SUPT3H: variants seen among roughly 807,000 people sequenced by gnomAD.
The protein encoded by SUPT3H is transcription initiation protein SPT3 homolog.
In SUPT3H, 44 loss-of-function variants were observed where a neutral mutation model predicts 44.3. The observed-to-expected ratio is 0.99, with a 90% CI of 0.78 to 1.28. The LOEUF (loss-of-function observed/expected upper bound fraction) is 1.28, where lower values mean the gene tolerates loss of function less well. Ranked by LOEUF, SUPT3H falls within the 50% of genes most tolerant of loss-of-function variation. SUPT3H has a pLI of 0.00. For missense variants in SUPT3H, 380 were observed against 387.1 expected, an observed-to-expected ratio of 0.98 and a Z score of 0.15; for synonymous variants, 124 against 125.6, an observed-to-expected ratio of 0.99 and a Z score of 0.09.
intron 2 of SUPT3H, chr6:45,323,077 G>A (rs1200292371): frequency 3.0e-6 from 2 of 657,818 alleles, no homozygotes; most frequent in African/African-American, 1.9e-5. Context: ...TACTGTGCCG[G>A]TTGTGAAACA....
intron 2 of SUPT3H, among the ~76,000 whole-genome samples, chr6:45,310,043 G>C (rs1286218187): frequency 6.6e-6 from 1 of 152,180 alleles, no homozygotes; most frequent in Non-Finnish European, 1.5e-5. Context: ...CCTCTGGTAA[G>C]TTTTCAAGCG....
chr6:45,001,127 G>A (rs1031029822), intron 6 of SUPT3H, among the ~76,000 whole-genome samples: 28 of 151,964 alleles, frequency 1.8e-4, no homozygotes, highest in African/African-American at 6.8e-4. Context: ...TATTTGATTA[G>A]ATGAAAAAAT....
intron 10 of SUPT3H, among the ~76,000 whole-genome samples, chr6:44,930,102 G>C (rs561046887): frequency 2.2e-4 from 33 of 152,188 alleles, no homozygotes; most frequent in African/African-American, 7.2e-4. Context: ...AATTAGGCTG[G>C]GCGAGGTGGC....
At chr6:45,068,944 A>G (rs1346537080) in intron 3 of SUPT3H, among the ~76,000 whole-genome samples, 1 of 151,942 alleles carries the variant, frequency 6.6e-6, no homozygotes, top group Non-Finnish European at 1.5e-5. Flanking sequence ...TTCTATTAAA[A>G]AACAAAATGC....
At chr6:45,235,151 A>G (rs1384554444) in intron 2 of SUPT3H, among the ~76,000 whole-genome samples, 2 of 152,314 alleles carry the variant, frequency 1.3e-5, no homozygotes, top group Middle Eastern at 3.4e-3. Context: ...AAACATTTGA[A>G]ATTACAAATT....
intron 2 of SUPT3H, among the ~76,000 whole-genome samples, chr6:45,116,645 A>G (rs1800884321): frequency 6.6e-6 from 1 of 152,268 alleles, no homozygotes; most frequent in South Asian, 2.1e-4. Flanking sequence ...AGGTCTTCAA[A>G]AGTATGAAGA....
At chr6:45,246,843 A>G (rs1209907718) in intron 2 of SUPT3H, among the ~76,000 whole-genome samples, 1 of 152,226 alleles carries the variant, frequency 6.6e-6, no homozygotes, top group Non-Finnish European at 1.5e-5. Flanking sequence ...CAGTGCTAAG[A>G]GGAAAACTTA....
At chr6:45,288,605 ATATATATG>A (rs751536965) in intron 2 of SUPT3H, among the ~76,000 whole-genome samples, 31,418 of 84,094 alleles carry the variant, frequency 0.37, 4,805 homozygotes, top group Non-Finnish European at 0.44. Context: ...ATGTGTATAT[ATATATATG>A]TATATATATA....
At chr6:44,932,530 C>A in intron 10 of SUPT3H, 123 bp downstream of exon 10, 1 of 627,900 alleles carries the variant, frequency 1.6e-6, no homozygotes, top group Non-Finnish European at 2.6e-6. Flanking sequence ...CACTTTTATA[C>A]AACAAAATTA....
At chr6:45,275,547 A>AAGAT (rs1447459080) in intron 2 of SUPT3H, among the ~76,000 whole-genome samples, 1 of 152,222 alleles carries the variant, frequency 6.6e-6, no homozygotes, top group East Asian at 1.9e-4. Context: ...AGAGACTAAG[A>AAGAT]AGATAGAATA....
At chr6:45,014,042 G>A (rs761001489) in intron 5 of SUPT3H, among the ~76,000 whole-genome samples, 3 of 152,034 alleles carry the variant, frequency 2.0e-5, no homozygotes, top group African/African-American at 4.8e-5. Context: ...CCAGTTAAAT[G>A]TGTTTCACTG....
intron 3 of SUPT3H, chr6:45,098,522 C>T (rs770345471): frequency 4.0e-6 from 1 of 250,152 alleles, no homozygotes; most frequent in Non-Finnish European, 8.1e-6. Flanking sequence ...TTTGCTCCTC[C>T]TGGGTGAAAG....
intron 2 of SUPT3H, among the ~76,000 whole-genome samples, chr6:45,302,390 A>G (rs1782268661): frequency 6.6e-6 from 1 of 151,164 alleles, no homozygotes; most frequent in Non-Finnish European, 1.5e-5. Context: ...TTCATTTAGA[A>G]TAATAGTCTC....
chr6:44,969,534 A>T (rs1777261802), intron 6 of SUPT3H, among the ~76,000 whole-genome samples: 1 of 152,198 alleles, frequency 6.6e-6, no homozygotes, highest in Admixed American at 6.5e-5. Context: ...AAAATAATCA[A>T]AGCAGTTACC....
At chr6:45,124,929 C>T (rs567545199) in intron 2 of SUPT3H, among the ~76,000 whole-genome samples, 1 of 152,124 alleles carries the variant, frequency 6.6e-6, no homozygotes, top group East Asian at 1.9e-4. Flanking sequence ...CAGAGACAGA[C>T]ACACACAGAG....
intron 3 of SUPT3H, among the ~76,000 whole-genome samples, chr6:45,072,360 GT>G (rs1338154867): frequency 6.6e-6 from 1 of 152,154 alleles, no homozygotes; most frequent in East Asian, 1.9e-4. Context: ...CACTCAAAAT[GT>G]GGACCCTGAC....
At chr6:45,097,249 G>A (rs1583516246) in intron 3 of SUPT3H, among the ~76,000 whole-genome samples, 1 of 152,284 alleles carries the variant, frequency 6.6e-6, no homozygotes, top group East Asian at 1.9e-4. Context: ...TTGAATACTG[G>A]TGTTTCATGG....
At chr6:44,854,801 T>C (rs1451100466) in intron 10 of SUPT3H, among the ~76,000 whole-genome samples, 3 of 152,224 alleles carry the variant, frequency 2.0e-5, no homozygotes, top group Non-Finnish European at 4.4e-5. Context: ...ATCTGGATAA[T>C]TCTTTTAAAC....
intron 2 of SUPT3H, among the ~76,000 whole-genome samples, chr6:45,352,489 G>A (rs1792275389): frequency 6.6e-6 from 1 of 150,772 alleles, no homozygotes; most frequent in African/African-American, 2.4e-5. Flanking sequence ...TGGTATGACA[G>A]CAACAAAATT....
Sources: gnomAD v4.1 joint callset for allele counts (sites outside exome capture counted in the v4.1 genomes callset) on GRCh38, gnomAD v4.1.1 for gene constraint, MANE v1.5 for transcripts, NCBI Gene and HGNC (gene_info 2026-07-23, HGNC 2026-07-21) for gene names.